RYR2: variants seen among roughly 807,000 people sequenced by gnomAD.
The protein encoded by RYR2 is cardiac muscle ryanodine receptor-calcium release channel.
Under a neutral mutation model 601.1 loss-of-function variants are expected in RYR2, and 227 were observed. That is an observed-to-expected ratio of 0.38 (90% CI 0.34 to 0.42). RYR2 has a LOEUF of 0.42. Ranked by LOEUF, RYR2 falls within the 10% of genes least tolerant of loss-of-function variation. RYR2 has a pLI of 1.00. For synonymous variants in RYR2, 2,223 were observed against 2,175.1 expected (o/e 1.02, Z -0.61); for missense variants, 4,646 against 6,156.5 (o/e 0.75, Z 8.21).
At chr1:237,535,232 A>G (rs1243125104) in intron 25 of RYR2, among the ~76,000 whole-genome samples, 1 of 151,968 alleles carries the variant, frequency 6.6e-6, no homozygotes, top group Non-Finnish European at 1.5e-5. Context: ...TATAAACACC[A>G]ATGATGCCAA....
chr1:237,051,303 T>TC (rs1491054347), intron 1 of RYR2, among the ~76,000 whole-genome samples: 4 of 114,086 alleles, frequency 3.5e-5, no homozygotes, highest in African/African-American at 1.3e-4. Context: ...TCTCTCTCTC[T>TC]TTCTCTTTAT....
At position 237,219,209 on chromosome 1, in the gene RYR2, G is replaced by A. The variant is rs549455942; in HGVS notation, c.49-51288G>A. On this transcript the variant is annotated intron_variant, in intron 1 of 104. Transcript: ENST00000366574. ...TTCTTTGTATTTTTAGTAGAGATGG[G>A]GTTTCACCATGTTGGCCAGGCTGGT... Among the ~76,000 whole-genome samples, 482 of 151,926 alleles carry A rather than the reference G, an allele frequency of 3.2e-3. 5 individuals are homozygous for A. The highest frequency in any genetic ancestry group is 0.011 in the African/African-American group (468 of 41,444).
intron 2 of RYR2, among the ~76,000 whole-genome samples, chr1:237,330,580 G>A (rs747070091): frequency 2.6e-5 from 4 of 152,142 alleles, no homozygotes; most frequent in South Asian, 2.1e-4. Flanking sequence ...TAGAGATGGG[G>A]TTTCACTATG....
intron 10 of RYR2, among the ~76,000 whole-genome samples, chr1:237,413,254 CTT>C (rs2150009026): frequency 6.6e-6 from 1 of 152,092 alleles, no homozygotes; most frequent in Non-Finnish European, 1.5e-5. Flanking sequence ...GCCAATGAAA[CTT>C]TTAAAAAAAT....
At chr1:237,308,286 C>T (rs1352077012) in intron 2 of RYR2, among the ~76,000 whole-genome samples, 1 of 152,200 alleles carries the variant, frequency 6.6e-6, no homozygotes, top group Non-Finnish European at 1.5e-5. Flanking sequence ...CAGAACACAT[C>T]TCCCCATATA....
intron 84 of RYR2, among the ~76,000 whole-genome samples, chr1:237,770,379 T>C (rs1694174572): frequency 6.6e-6 from 1 of 152,198 alleles, no homozygotes; most frequent in Non-Finnish European, 1.5e-5. Context: ...CTTTTTTGGA[T>C]ACACAGAATG....
At chr1:237,595,441 C>T in intron 33 of RYR2, 57 bp from the exon 34 acceptor site, 3 of 1,584,862 alleles carry the variant, frequency 1.9e-6, no homozygotes, top group Non-Finnish European at 2.6e-6. Flanking sequence ...CAAGATATAC[C>T]TGCTTTCTCT....
At chr1:237,717,568 TC>T (rs909912528) in intron 72 of RYR2, among the ~76,000 whole-genome samples, 200 bp downstream of exon 72, 4 of 152,122 alleles carry the variant, frequency 2.6e-5, no homozygotes, top group Non-Finnish European at 5.9e-5. Context: ...GTTATGTTAA[TC>T]ACCTCCGGGA....
chr1:237,174,445 G>T (rs1382975328), intron 1 of RYR2, among the ~76,000 whole-genome samples: 2 of 152,158 alleles, frequency 1.3e-5, no homozygotes, highest in Non-Finnish European at 2.9e-5. Context: ...TGTTTGAAAT[G>T]AACTTTGATT....
intron 79 of RYR2, among the ~76,000 whole-genome samples, chr1:237,741,612 A>AT (rs1278003025): frequency 6.6e-6 from 1 of 151,854 alleles, no homozygotes. Context: ...TCTTTATTTT[A>AT]TTTTTTTGAG....
intron 17 of RYR2, 82 bp from the exon 18 acceptor site, chr1:237,491,724 C>A (rs2150412249): frequency 1.4e-6 from 1 of 697,046 alleles, no homozygotes; most frequent in Non-Finnish European, 2.6e-6. Flanking sequence ...CTGAATGCAC[C>A]TATGTAGAAA....
At chr1:237,111,632 G>A (rs921132116) in intron 1 of RYR2, among the ~76,000 whole-genome samples, 4 of 150,116 alleles carry the variant, frequency 2.7e-5, no homozygotes, top group Non-Finnish European at 5.9e-5. Context: ...GAAGTTCTGA[G>A]TGTGAAGTGT....
rs116484343 is a variant in RYR2, at chr1:237,068,587, T to A, written c.48+26018T>A. Among the ~76,000 whole-genome samples the A allele has an allele frequency of 5.3e-3, 800 of 152,334 alleles. 13 individuals are homozygous for A. The highest frequency in any genetic ancestry group is 0.018 in the African/African-American group (739 of 41,592). On this transcript the variant is annotated intron_variant, in intron 1 of 104. Coordinates refer to ENST00000366574, the MANE Select transcript of RYR2 (RefSeq NM_001035.3). ...GGGCTTTTAAAAAACACTTCCCATG[T>A]GTTAATTTAGTCTCATCTACCCTGT...
At chr1:237,649,400 CG>C (rs1392028780) in intron 49 of RYR2, among the ~76,000 whole-genome samples, 1 of 151,920 alleles carries the variant, frequency 6.6e-6, no homozygotes, top group Admixed American at 6.6e-5. Context: ...ATAGTATGGG[CG>C]ATAACATAGT....
At chr1:237,174,541 G>A (rs1464663541) in intron 1 of RYR2, among the ~76,000 whole-genome samples, 1 of 152,102 alleles carries the variant, frequency 6.6e-6, no homozygotes, top group African/African-American at 2.4e-5. Context: ...CCCAACCCCT[G>A]ACCTCTCTTT....
intron 2 of RYR2, among the ~76,000 whole-genome samples, chr1:237,288,834 C>G (rs1230752248): frequency 6.6e-6 from 1 of 152,104 alleles, no homozygotes; most frequent in Non-Finnish European, 1.5e-5. Flanking sequence ...CAGGAGGCCT[C>G]TCACCCCATT....
intron 24 of RYR2, among the ~76,000 whole-genome samples, chr1:237,527,279 C>A (rs945536012): frequency 5.3e-5 from 8 of 152,176 alleles, no homozygotes; most frequent in Admixed American, 5.2e-4. Context: ...GCTATTCGGA[C>A]TCTTTTTTGA....
At chr1:237,565,797 G>A (rs972051844) in intron 27 of RYR2, among the ~76,000 whole-genome samples, 2 of 152,090 alleles carry the variant, frequency 1.3e-5, no homozygotes, top group African/African-American at 4.8e-5. Context: ...CCTTCTCATC[G>A]TCGTTCTGGC....
At chr1:237,397,333 A>ATGAGTGACTGAAGCC (rs1212224372) in intron 10 of RYR2, among the ~76,000 whole-genome samples, 2 of 152,214 alleles carry the variant, frequency 1.3e-5, no homozygotes, top group Non-Finnish European at 1.5e-5. Flanking sequence ...CTAAGCCGAT[A>ATGAGTGACTGAAGCC]TGAGTGACTG....
Sources: allele counts gnomAD v4.1 joint callset (sites outside exome capture counted in the v4.1 genomes callset), GRCh38; gene constraint gnomAD v4.1.1; transcripts MANE v1.5; gene names NCBI Gene and HGNC (gene_info 2026-07-23, HGNC 2026-07-21).